PARD3B: variants seen among roughly 807,000 people sequenced by gnomAD.
The protein encoded by PARD3B is partitioning defective 3 homolog B.
PARD3B carries 103 observed loss-of-function variants against 130.2 expected under a neutral mutation model. The ratio of observed to expected loss-of-function variants is 0.79; its 90% CI spans 0.67 to 0.93. PARD3B has a LOEUF of 0.93. Ranked by LOEUF, PARD3B falls within the 40% of genes least tolerant of loss-of-function variation. The pLI, the probability that PARD3B is intolerant of heterozygous loss-of-function variation, is 0.00. For synonymous variants in PARD3B, 583 were observed against 553.2 expected, an observed-to-expected ratio of 1.05 and a Z score of -0.76; for missense variants, 1,609 against 1,499.2, an observed-to-expected ratio of 1.07 and a Z score of -1.21.
At chr2:205,410,791 C>T (rs992417817) in intron 19 of PARD3B, among the ~76,000 whole-genome samples, 2 of 152,148 alleles carry the variant, frequency 1.3e-5, no homozygotes, top group African/African-American at 2.4e-5. Context: ...CTTTGGGAAG[C>T]TTTCATGACA....
intron 2 of PARD3B, among the ~76,000 whole-genome samples, chr2:204,809,310 T>A (rs1377568351): frequency 6.6e-6 from 1 of 152,202 alleles, no homozygotes; most frequent in Non-Finnish European, 1.5e-5. Flanking sequence ...TTTGCTTTTG[T>A]TACAATTGCT....
chr2:205,531,159 A>G (rs189523931), intron 21 of PARD3B, among the ~76,000 whole-genome samples: 5 of 151,896 alleles, frequency 3.3e-5, no homozygotes, highest in Admixed American at 1.3e-4. Flanking sequence ...TTTCACCATA[A>G]TTTATACTAA....
chr2:205,374,625 T>C (rs1267108907), intron 18 of PARD3B, among the ~76,000 whole-genome samples: 2 of 152,224 alleles, frequency 1.3e-5, no homozygotes, highest in African/African-American at 4.8e-5. Context: ...TTTTATTTAA[T>C]ATGATATTAT....
chr2:205,197,032 G>GGGGGT (rs1553636919), intron 15 of PARD3B, among the ~76,000 whole-genome samples: 17 of 55,244 alleles, frequency 3.1e-4, no homozygotes, highest in Admixed American at 5.5e-4. Flanking sequence ...GTGGGGGGGG[G>GGGGGT]GTGTGTGTGT....
intron 18 of PARD3B, among the ~76,000 whole-genome samples, chr2:205,394,379 C>G (rs994786446): frequency 6.6e-6 from 1 of 152,102 alleles, no homozygotes; most frequent in South Asian, 2.1e-4. Flanking sequence ...AATTAAATGC[C>G]CTGGAATTCC....
intron 2 of PARD3B, among the ~76,000 whole-genome samples, chr2:204,850,088 A>G (rs575122287): frequency 6.6e-6 from 1 of 152,152 alleles, no homozygotes; most frequent in Non-Finnish European, 1.5e-5. Context: ...ATGGTAGTCA[A>G]TCCTGTCAAA....
At chr2:205,083,096 T>A (rs988970313) in intron 4 of PARD3B, among the ~76,000 whole-genome samples, 1 of 151,940 alleles carries the variant, frequency 6.6e-6, no homozygotes, top group African/African-American at 2.4e-5. Context: ...ATTTTTTGTA[T>A]TTTTAGTAGA....
chr2:204,801,288 T>A (rs1482852082), intron 2 of PARD3B, among the ~76,000 whole-genome samples: 3 of 152,238 alleles, frequency 2.0e-5, no homozygotes, highest in Non-Finnish European at 4.4e-5. Flanking sequence ...GCATTGAATC[T>A]ATAAATTACT....
Position 205,158,610 on chromosome 2 carries a change from A to G in PARD3B, c.1435-112A>G. 9.1e-7 allele frequency: 1 copy of G among 1,098,290 alleles called. No homozygotes were observed. The highest frequency in any genetic ancestry group is 1.3e-6 in the Non-Finnish European group (1 of 761,166). 68.0% of individuals were successfully genotyped at this position (1,098,290 alleles called of 1,614,324 possible). A position where few individuals can be genotyped will look rare whatever the true frequency, so the allele number is the denominator to read the frequency against. On this transcript the variant is annotated intron_variant, in intron 10 of 22. Coordinates refer to ENST00000406610, the MANE Select transcript of PARD3B (RefSeq NM_001302769.2). This position sits in a 1 kb window ranked among gnomAD's most constrained non-coding sequence, Gnocchi z 5.4. ...CTGCCAGGAGCCGATTACAGCTGTG[A>G]GAGGTCCAGTCATCCTGTCCTACTG... is the stretch of plus-strand genomic sequence containing the variant.
intron 1 of PARD3B, among the ~76,000 whole-genome samples, chr2:204,553,612 G>GTATATATAT (rs1559152140): frequency 5.7e-5 from 5 of 88,448 alleles, no homozygotes; most frequent in South Asian, 3.4e-4. Context: ...GTATATATAT[G>GTATATATAT]GCTATATACA....
chr2:204,863,047 G>A (rs2045274505), intron 2 of PARD3B, among the ~76,000 whole-genome samples: 1 of 152,134 alleles, frequency 6.6e-6, no homozygotes, highest in Admixed American at 6.5e-5. Context: ...AGTCGGGAAA[G>A]GGCGGGCTCC....
At chr2:204,863,781 TATGACAAA>T (rs1317132011) in intron 2 of PARD3B, among the ~76,000 whole-genome samples, 1 of 152,240 alleles carries the variant, frequency 6.6e-6, no homozygotes, top group East Asian at 1.9e-4. Context: ...ATCTTTAGTG[TATGACAAA>T]AGACAGAGAG....
intron 20 of PARD3B, among the ~76,000 whole-genome samples, chr2:205,494,441 T>C (rs562480294): frequency 1.3e-5 from 2 of 152,106 alleles, no homozygotes; most frequent in Non-Finnish European, 2.9e-5. Context: ...TGTAGGATCT[T>C]TGTCATATGT....
intron 18 of PARD3B, among the ~76,000 whole-genome samples, chr2:205,380,114 A>G (rs79276188): frequency 0.54 from 61,083 of 113,856 alleles, 20,287 homozygotes; most frequent in South Asian, 0.77. Context: ...TATATATTAT[A>G]CATAATATAT....
Position 205,176,964 on chromosome 2 carries a change from A to G in PARD3B, c.1924+387A>G, listed in dbSNP as rs1297133861. On this transcript the variant is annotated intron_variant, in intron 13 of 22. Transcript: ENST00000406610. This position sits in a 1 kb window ranked among gnomAD's most constrained non-coding sequence, Gnocchi z 5.3. ...TGGATTTATAATCCATAAAATGGTCATAGCGTGATTCACAGATGATCCTCG... is the reference window on the plus strand; with the variant it reads ...TGGATTTATAATCCATAAAATGGTCGTAGCGTGATTCACAGATGATCCTCG... 6.6e-6 allele frequency among the ~76,000 whole-genome samples: 1 copy of G among 152,246 alleles called. No individual in the cohort carries two copies. The highest frequency in any genetic ancestry group is 1.5e-5 in the Non-Finnish European group (1 of 68,034).
At chr2:205,349,515 G>C (rs116104592) in intron 18 of PARD3B, among the ~76,000 whole-genome samples, 1,947 of 152,072 alleles carry the variant, frequency 0.013, 17 homozygotes, top group Non-Finnish European at 0.017. Context: ...CCACTTCCTA[G>C]CATGATGCAA....
chr2:204,904,079 CTGATT>C (rs1360143480), intron 2 of PARD3B, among the ~76,000 whole-genome samples: 1 of 152,122 alleles, frequency 6.6e-6, no homozygotes, highest in Non-Finnish European at 1.5e-5. Context: ...AAAAAAGGCT[CTGATT>C]TATTTTACTT....
chr2:204,928,338 C>G (rs1375589878), intron 2 of PARD3B, among the ~76,000 whole-genome samples: 1 of 152,058 alleles, frequency 6.6e-6, no homozygotes, highest in African/African-American at 2.4e-5. Flanking sequence ...TCTATCACTT[C>G]TGTTGGGTAA....
chr2:205,469,123 A>G (rs377239024), intron 20 of PARD3B, among the ~76,000 whole-genome samples: 3 of 152,262 alleles, frequency 2.0e-5, no homozygotes, highest in South Asian at 2.1e-4. Context: ...TGTTTCCTCT[A>G]TCAAATCTTG....
Sources: allele counts gnomAD v4.1 joint callset (sites outside exome capture counted in the v4.1 genomes callset), GRCh38; gene constraint gnomAD v4.1.1; non-coding constraint Gnocchi (gnomAD v3.1); transcripts MANE v1.5; gene names NCBI Gene and HGNC (gene_info 2026-07-23, HGNC 2026-07-21).